Variants in CALN1 observed in about 807,000 individuals in gnomAD.
CALN1 encodes calcium-binding protein 8.
In CALN1, 17 loss-of-function variants were observed where a neutral mutation model predicts 30.6. The ratio of observed to expected loss-of-function variants is 0.56; its 90% CI spans 0.38 to 0.83. The LOEUF (loss-of-function observed/expected upper bound fraction) is 0.83, where lower values mean the gene tolerates loss of function less well. Ranked by LOEUF, CALN1 falls within the 40% of genes least tolerant of loss-of-function variation. CALN1 has a pLI of 0.00. For synonymous variants in CALN1, 156 were observed against 131.4 expected, an observed-to-expected ratio of 1.19 and a Z score of -1.28; for missense variants, 291 against 354.9, an observed-to-expected ratio of 0.82 and a Z score of 1.45.
chr7:72,148,101 T>TA (rs71300800), intron 3 of CALN1, among the ~76,000 whole-genome samples: 30,045 of 91,924 alleles, frequency 0.33, 3,992 homozygotes, highest in East Asian at 0.69. Context: ...TAAAAAAAAA[T>TA]AAAAAAAAAA....
chr7:72,010,065 G>C (rs1339388583), intron 5 of CALN1, among the ~76,000 whole-genome samples: 1 of 152,176 alleles, frequency 6.6e-6, no homozygotes, highest in Non-Finnish European at 1.5e-5. Flanking sequence ...GCTGCAATTT[G>C]TAGACAAAGT....
chr7:71,948,187 G>A (rs1397275428), intron 5 of CALN1, among the ~76,000 whole-genome samples: 1 of 152,094 alleles, frequency 6.6e-6, no homozygotes, highest in African/African-American at 2.4e-5. Context: ...GGGAAGGTGT[G>A]GATGTCAGCA....
intron 1 of CALN1, among the ~76,000 whole-genome samples, chr7:72,417,804 AC>A (rs764527316): frequency 6.6e-6 from 1 of 152,032 alleles, no homozygotes; most frequent in Non-Finnish European, 1.5e-5. Flanking sequence ...GTGCCATGCT[AC>A]CCTGGGACAC....
intron 5 of CALN1, among the ~76,000 whole-genome samples, chr7:71,817,769 C>T (rs538099408): frequency 6.6e-6 from 1 of 152,294 alleles, no homozygotes; most frequent in South Asian, 2.1e-4. Context: ...CTGCCTTGGC[C>T]TCCCAAAGAG....
intron 5 of CALN1, among the ~76,000 whole-genome samples, chr7:71,892,946 A>C (rs1793328925): frequency 6.6e-6 from 1 of 152,222 alleles, no homozygotes; most frequent in Non-Finnish European, 1.5e-5. Context: ...TAGGAAGCTT[A>C]AAATGATCAT....
chr7:72,257,685 C>CAA (rs1796004896), intron 3 of CALN1, among the ~76,000 whole-genome samples: 1 of 152,138 alleles, frequency 6.6e-6, no homozygotes, highest in Non-Finnish European at 1.5e-5. Flanking sequence ...GCACAGTTCG[C>CAA]AACTGCAAAA....
intron 4 of CALN1, among the ~76,000 whole-genome samples, chr7:72,026,795 A>G (rs938646903): frequency 9.9e-5 from 15 of 152,178 alleles, no homozygotes; most frequent in African/African-American, 3.6e-4. Flanking sequence ...ACAGATAGAT[A>G]CTCAACTGGT....
At chr7:71,903,055 T>C (rs1311799035) in intron 5 of CALN1, among the ~76,000 whole-genome samples, 7 of 151,992 alleles carry the variant, frequency 4.6e-5, no homozygotes, top group African/African-American at 1.7e-4. Flanking sequence ...ATTTTTACTT[T>C]TTTTTAAAAA....
intron 3 of CALN1, among the ~76,000 whole-genome samples, chr7:72,143,605 A>T (rs567273093): frequency 2.6e-5 from 4 of 152,120 alleles, no homozygotes; most frequent in Admixed American, 6.5e-5. Context: ...CCAACATTCA[A>T]ATTCAGGAAA....
intron 6 of CALN1, among the ~76,000 whole-genome samples, chr7:71,798,829 T>C (rs921588049): frequency 6.6e-6 from 1 of 151,102 alleles, no homozygotes; most frequent in African/African-American, 2.4e-5. Flanking sequence ...TTTCACCATG[T>C]TGGCCAGGCT....
intron 5 of CALN1, among the ~76,000 whole-genome samples, chr7:71,869,502 G>A (rs966175099): frequency 7.2e-5 from 11 of 152,144 alleles, no homozygotes; most frequent in African/African-American, 2.4e-4. Flanking sequence ...TTGAGCCACC[G>A]TGCCTGGCCA....
chr7:71,815,628 C>T (rs1788212779), intron 5 of CALN1, among the ~76,000 whole-genome samples: 1 of 152,138 alleles, frequency 6.6e-6, no homozygotes, highest in Admixed American at 6.6e-5. Flanking sequence ...AGGGTGAACA[C>T]AAAACTCAGT....
rs529002469 is a variant in CALN1 at position 72,359,437 on chromosome 7, T to C, written c.119+43814A>G. Among the ~76,000 whole-genome samples the C allele has an allele frequency of 2.4e-4, 37 of 152,338 alleles. 1 individual carries two copies. The highest frequency in any genetic ancestry group is 8.2e-4 in the African/African-American group (34 of 41,578). The stretch of plus-strand genomic sequence containing the variant: ...TTTACATATATCTGCTGCTTCTTTA[T>C]ACAAATGCTAACACACTGTACACAT... On this transcript the variant is annotated intron_variant, in intron 2 of 6. Transcript: ENST00000395275.
At chr7:72,485,071 T>A in the CALN1 span, among the ~76,000 whole-genome samples, 2 of 151,952 alleles carry the variant, frequency 1.3e-5, no homozygotes, top group Non-Finnish European at 2.9e-5. Flanking sequence ...TAATGCACAG[T>A]CTCTACTAAA....
intron 3 of CALN1, among the ~76,000 whole-genome samples, chr7:72,263,163 A>T (rs548119619): frequency 6.6e-6 from 1 of 152,174 alleles, no homozygotes; most frequent in Non-Finnish European, 1.5e-5. Flanking sequence ...AACAATAATT[A>T]CTATTCCTGC....
intron 2 of CALN1, among the ~76,000 whole-genome samples, chr7:72,367,633 A>AAAATAC (rs1382716909): frequency 2.0e-5 from 3 of 152,074 alleles, no homozygotes; most frequent in Non-Finnish European, 4.4e-5. Flanking sequence ...TCTACAAATA[A>AAAATAC]AAATAAAAAT....
chr7:72,126,971 C>T (rs958181448), intron 3 of CALN1, among the ~76,000 whole-genome samples: 4 of 151,988 alleles, frequency 2.6e-5, no homozygotes, highest in Non-Finnish European at 5.9e-5. Flanking sequence ...TCCCCAATAA[C>T]TATTGAAATA....
rs1051031573 is a variant in CALN1, at chr7:72,023,644, T to A, written c.501+13A>T. 1.0e-5 allele frequency: 16 copies of A among 1,603,676 alleles called. No homozygotes were observed. Among genetic ancestry groups the A allele is most frequent in the African/African-American group, 1.3e-5 (1 of 74,382 alleles). ...CTGTCAAACTTAGTCTGAAAAAAAA[T>A]ATTCTTACTCACCTGCCAGAATATG... On this transcript the variant is annotated intron_variant, in intron 5 of 6. Coordinates refer to ENST00000395275, the MANE Select transcript of CALN1 (RefSeq NM_031468.4).
Position 71,790,368 on chromosome 7 carries a change from A to AAAAGAAAAAG in CALN1, c.659-2467_659-2466insCTTTTTCTTT, listed in dbSNP as rs1554337109. ...AAAGAAAAGAAAGAAAGAAAGAAAG[A>AAAAGAAAAAG]AAAGAAAGAAAGAAAGAAAGAAAGA... On this transcript the variant is annotated intron_variant, in intron 6 of 6. Transcript: ENST00000395275. 2.4e-4 allele frequency among the ~76,000 whole-genome samples: 30 copies of AAAAGAAAAAG among 123,796 alleles called. 1 individual carries two copies. Among genetic ancestry groups the AAAAGAAAAAG allele is most frequent in the African/African-American group, 9.5e-4 (30 of 31,636 alleles). 81.2% of individuals were successfully genotyped at this position (123,796 alleles called of 152,430 possible). A position where few individuals can be genotyped will look rare whatever the true frequency, so the allele number is the denominator to read the frequency against.
Sources: gnomAD v4.1 joint callset for allele counts (sites outside exome capture counted in the v4.1 genomes callset) on GRCh38, gnomAD v4.1.1 for gene constraint, MANE v1.5 for transcripts, NCBI Gene and HGNC (gene_info 2026-07-23, HGNC 2026-07-21) for gene names.